LARGE1: variants seen among roughly 807,000 people sequenced by gnomAD.
LARGE1 encodes the protein xylosyl- and glucuronyltransferase LARGE1.
In LARGE1, 43 loss-of-function variants were observed where a neutral mutation model predicts 87.6. That is an observed-to-expected ratio of 0.49 (90% CI 0.38 to 0.63). The LOEUF (loss-of-function observed/expected upper bound fraction) is 0.63. Among genes scored for constraint, LARGE1 ranks in the 30% least tolerant of loss-of-function variants. The probability of loss-of-function intolerance (pLI) is 0.00; values close to 1 mark genes in which losing one functional copy is unlikely to be tolerated. For missense variants in LARGE1, 802 were observed against 1,000.2 expected (o/e 0.80, Z 2.67); for synonymous variants, 434 against 394.6 (o/e 1.10, Z -1.18).
intron 1 of LARGE1, among the ~76,000 whole-genome samples, chr22:33,817,017 C>T (rs554479083): frequency 3.9e-5 from 6 of 152,256 alleles, no homozygotes; most frequent in African/African-American, 7.2e-5. Context: ...CATGTATATA[C>T]AAACACACAC....
chr22:33,278,260 C>T (rs979407487), intron 13 of LARGE1, among the ~76,000 whole-genome samples: 62 of 152,004 alleles, frequency 4.1e-4, no homozygotes, highest in African/African-American at 2.2e-4. Context: ...GGCCTAGGAA[C>T]GAAAGGAGAG....
At chr22:33,596,154 T>C (rs1270814444) in intron 5 of LARGE1, among the ~76,000 whole-genome samples, 1 of 152,200 alleles carries the variant, frequency 6.6e-6, no homozygotes, top group African/African-American at 2.4e-5. Context: ...ACAAGAACCA[T>C]TCATTAGAAG....
intron 12 of LARGE1, among the ~76,000 whole-genome samples, chr22:33,300,960 C>T (rs899518987): frequency 6.6e-6 from 1 of 152,138 alleles, no homozygotes; most frequent in Admixed American, 6.5e-5. Context: ...CAGGTGTTAG[C>T]CACTGCACCT....
intron 11 of LARGE1, among the ~76,000 whole-genome samples, chr22:33,184,511 A>G (rs1602059913): frequency 6.6e-6 from 1 of 151,844 alleles, no homozygotes; most frequent in Non-Finnish European, 1.5e-5. Flanking sequence ...ATAAGTTATC[A>G]AAATCTTCAC....
At chr22:33,403,568 T>C (rs1166942521) in intron 7 of LARGE1, among the ~76,000 whole-genome samples, 1 of 152,164 alleles carries the variant, frequency 6.6e-6, no homozygotes, top group Non-Finnish European at 1.5e-5. Flanking sequence ...AGTCTGCTAC[T>C]TGTTTTCGGT....
chr22:33,472,757 T>C (rs1390371069), intron 6 of LARGE1, among the ~76,000 whole-genome samples: 1 of 152,240 alleles, frequency 6.6e-6, no homozygotes, highest in African/African-American at 2.4e-5. Context: ...CTGAGTTTTC[T>C]AGCAAAGCAT....
intron 2 of LARGE1, among the ~76,000 whole-genome samples, chr22:33,709,626 T>C (rs1401723399): frequency 4.1e-5 from 6 of 146,390 alleles, no homozygotes; most frequent in Admixed American, 2.0e-4. Context: ...AATTCTTTAA[T>C]TCTTTTTTTT....
intron 3 of LARGE1, among the ~76,000 whole-genome samples, chr22:33,643,160 C>A (rs918504825): frequency 2.6e-5 from 4 of 152,250 alleles, no homozygotes; most frequent in African/African-American, 9.6e-5. Context: ...AAACACTCCT[C>A]AGCAAATGCA....
the LARGE1 span, among the ~76,000 whole-genome samples, chr22:33,126,919 A>G: frequency 6.6e-6 from 1 of 152,254 alleles, no homozygotes; most frequent in African/African-American, 2.4e-5. Context: ...CAGAGAGTCC[A>G]TGATGGCTGA....
At chr22:33,599,389 G>A (rs2079059018) in intron 5 of LARGE1, among the ~76,000 whole-genome samples, 1 of 152,126 alleles carries the variant, frequency 6.6e-6, no homozygotes, top group Non-Finnish European at 1.5e-5. Flanking sequence ...GTAGACAGGA[G>A]CTGCATGTTT....
At chr22:33,725,128 G>A in intron 2 of LARGE1, 1 of 153,716 alleles carries the variant, frequency 6.5e-6, no homozygotes, top group Non-Finnish European at 1.4e-5. Flanking sequence ...ACAAGGGTGG[G>A]GGCCGCGGGA....
At chr22:33,503,981 C>A (rs2070637162) in intron 6 of LARGE1, among the ~76,000 whole-genome samples, 2 of 151,996 alleles carry the variant, frequency 1.3e-5, no homozygotes, top group Admixed American at 6.6e-5. Flanking sequence ...TGTGGACAAA[C>A]CTTGAAAATG....
chr22:33,764,245 T>C (rs111325032), intron 1 of LARGE1, among the ~76,000 whole-genome samples: 8 of 152,254 alleles, frequency 5.3e-5, no homozygotes, highest in African/African-American at 1.7e-4. Flanking sequence ...ATATGCCAGA[T>C]AGGTGATTTA....
chr22:33,550,789 A>G (rs966472000), intron 6 of LARGE1, among the ~76,000 whole-genome samples: 2 of 152,226 alleles, frequency 1.3e-5, no homozygotes, highest in African/African-American at 2.4e-5. Context: ...ACATGAAATC[A>G]ACCGACGTGC....
chr22:33,893,777 G>C (rs927365984), intron 1 of LARGE1, among the ~76,000 whole-genome samples: 1 of 152,064 alleles, frequency 6.6e-6, no homozygotes, highest in Non-Finnish European at 1.5e-5. Flanking sequence ...CTCATCAAGC[G>C]GTATTCAGGT....
At chr22:33,365,901 C>G (rs568502485) in intron 9 of LARGE1, among the ~76,000 whole-genome samples, 1 of 152,318 alleles carries the variant, frequency 6.6e-6, no homozygotes, top group Admixed American at 6.5e-5. Flanking sequence ...CAGGCGTGAG[C>G]CACTGCACCT....
chr22:33,853,352 T>C (rs1488565947), intron 1 of LARGE1, among the ~76,000 whole-genome samples: 1 of 152,064 alleles, frequency 6.6e-6, no homozygotes, highest in East Asian at 1.9e-4. Context: ...CACACACAGG[T>C]TTACAATACC....
At chr22:33,336,782 C>T (rs1938496369) in intron 10 of LARGE1, among the ~76,000 whole-genome samples, 1 of 152,082 alleles carries the variant, frequency 6.6e-6, no homozygotes, top group Admixed American at 6.5e-5. Context: ...TCGGTTCTGG[C>T]CGGGCGCGGT....
chr22:33,833,749 G>A lies in LARGE1; in HGVS notation c.-82-72191C>T, dbSNP rs761747607. ...GTTGCCCAGGCTGGAGTGCAATGGC[G>A]TGATCTCAGCTCACTGCAACCTCTG... On this transcript the variant is annotated intron_variant, in intron 1 of 14. Transcript: ENST00000397394. Among the ~76,000 whole-genome samples the A allele has an allele frequency of 6.6e-5, 10 of 152,154 alleles. No individual in the cohort carries two copies. In the South Asian group the frequency reaches 1.7e-3, roughly 25 times the overall value.
Sources: allele counts gnomAD v4.1 joint callset (sites outside exome capture counted in the v4.1 genomes callset), GRCh38; gene constraint gnomAD v4.1.1; transcripts MANE v1.5; gene names NCBI Gene and HGNC (gene_info 2026-07-23, HGNC 2026-07-21).